The following MAX variants were observed in gnomAD, a reference collection of about 807,000 sequenced individuals.
The protein encoded by MAX is MYC associated transcriptional regulator X.
Under a neutral mutation model 22.3 loss-of-function variants are expected in MAX, and 3 were observed. The observed-to-expected ratio is 0.13, with a 90% confidence interval of 0.06 to 0.35. MAX has a LOEUF of 0.35. MAX is among the 10% of genes least tolerant of loss of function. MAX has a pLI of 1.00. For missense variants in MAX, 119 were observed against 209.4 expected (o/e 0.57, Z 2.66); for synonymous variants, 72 against 77.7 (o/e 0.93, Z 0.39).
chr14:65,090,799 A>T (rs1207586378), intron 3 of MAX, among the ~76,000 whole-genome samples: 2 of 152,228 alleles, frequency 1.3e-5, no homozygotes, highest in Non-Finnish European at 2.9e-5. Context: ...CACCATGCCC[A>T]GCCAACCATT....
intron 3 of MAX, among the ~76,000 whole-genome samples, chr14:65,019,913 G>T (rs2061854227): frequency 6.6e-6 from 1 of 152,062 alleles, no homozygotes; most frequent in Non-Finnish European, 1.5e-5. Flanking sequence ...ATAGAATATT[G>T]CCTTTTTATT....
At chr14:65,095,085 C>T (rs1025829670) in intron 2 of MAX, among the ~76,000 whole-genome samples, 4 of 152,162 alleles carry the variant, frequency 2.6e-5, no homozygotes, top group African/African-American at 9.7e-5. Context: ...GTTGTGAAAA[C>T]GAAAGGACTT....
Position 65,082,778 on chromosome 14 carries a change from A to G in MAX, c.172-4742T>C, listed in dbSNP as rs941215185. Among the ~76,000 whole-genome samples the G allele has an allele frequency of 1.3e-5, 2 of 152,154 alleles. No homozygotes were observed. The highest frequency in any genetic ancestry group is 4.8e-5 in the African/African-American group (2 of 41,438). On this transcript the variant is annotated intron_variant, in intron 3 of 4. Transcript: ENST00000358664. The surrounding 1 kb of genome is among the most constrained non-coding windows in gnomAD (Gnocchi z 4.8). ...GTGAGACCCTGTATAAAAAAAAAAA[A>G]GTGAAAAATGGTAGTTTGTAATAGC...
intron 3 of MAX, chr14:65,089,903 T>C (rs2063453578): frequency 6.7e-6 from 1 of 149,278 alleles, no homozygotes; most frequent in East Asian, 2.0e-4. Context: ...GGAACAACAG[T>C]GGAACTCCAC....
At position 65,057,809 on chromosome 14, in the gene MAX, A is replaced by G. The variant is rs9806006; in HGVS notation, c.171+35899T>C. On this transcript the variant is annotated intron_variant, in intron 3 of 3. Coordinates refer to the MAX transcript ENST00000341653. Reference sequence around the variant, plus strand: ...TGACCAGCACCATTTACTGAAGTCTACAACCTTTCCTGCTGATGTGTATCT... The same window carrying G: ...TGACCAGCACCATTTACTGAAGTCTGCAACCTTTCCTGCTGATGTGTATCT... Among the ~76,000 whole-genome samples the G allele has an allele frequency of 9.8e-3, 1,493 of 152,332 alleles. 27 individuals carry two copies. Among genetic ancestry groups the G allele is most frequent in the African/African-American group, 0.034 (1,424 of 41,560 alleles).
chr14:65,046,515 C>T (rs181730779), intron 3 of MAX, among the ~76,000 whole-genome samples: 22 of 152,238 alleles, frequency 1.4e-4, no homozygotes, highest in Admixed American at 1.4e-3. Flanking sequence ...TTCTAGGGGG[C>T]TTAGTGGCAT....
rs2139500713 is a variant in MAX at position 65,009,341 on chromosome 14, A to G, written c.172-3057T>C. Among the ~76,000 whole-genome samples the G allele has an allele frequency of 6.6e-6, 1 of 152,088 alleles. No homozygotes were observed. The highest frequency in any genetic ancestry group is 1.5e-5 in the Non-Finnish European group (1 of 67,980). On this transcript the variant is annotated intron_variant, in intron 3 of 3. Coordinates refer to the MAX transcript ENST00000341653. This position sits in a 1 kb window ranked among gnomAD's most constrained non-coding sequence, Gnocchi z 4.2. The stretch of plus-strand genomic sequence containing the variant: ...CCAACATGTTATATTTCTTAATTTC[A>G]CTGGCGCTTCACTAACTGCCTTATA...
rs1439447607 is a variant in MAX, at chr14:65,032,479, C to T, written c.172-26195G>A. ...CAGTTGGAGACCCAGGAGGACTGAC[C>T]GTGTGCCAAGAGTGAGGACAGGAGG... On this transcript the variant is annotated intron_variant, in intron 3 of 3. Coordinates refer to the MAX transcript ENST00000341653. The surrounding 1 kb of genome is among the most constrained non-coding windows in gnomAD (Gnocchi z 5.0). 7 of 866,910 alleles carry T rather than the reference C, an allele frequency of 8.1e-6. No homozygotes were observed. Among genetic ancestry groups the T allele is most frequent in the East Asian group, 2.9e-5 (1 of 33,984 alleles). 53.7% of individuals were successfully genotyped at this position (866,910 alleles called of 1,614,324 possible).
At chr14:65,065,923 C>G (rs1036057192) in intron 3 of MAX, among the ~76,000 whole-genome samples, 1 of 152,172 alleles carries the variant, frequency 6.6e-6, no homozygotes, top group Non-Finnish European at 1.5e-5. Context: ...GGAGAGCTTA[C>G]GTAAATCACC....
rs564077572 is a variant in MAX, at chr14:65,028,442, T to C, written c.172-22158A>G. 8.5e-5 allele frequency among the ~76,000 whole-genome samples: 13 copies of C among 152,370 alleles called. No homozygotes were observed. Among genetic ancestry groups the C allele is most frequent in the African/African-American group, 3.1e-4 (13 of 41,596 alleles). ...AAGACAGTGGCTTATTGAGATTTTA[T>C]GCCATTTTCTTATTATTTAGTTGAG... On this transcript the variant is annotated intron_variant, in intron 3 of 3. Coordinates refer to the MAX transcript ENST00000341653. This position sits in a 1 kb window ranked among gnomAD's most constrained non-coding sequence, Gnocchi z 4.4.
chr14:65,025,935 C>T (rs891700357), intron 3 of MAX, among the ~76,000 whole-genome samples: 6 of 152,198 alleles, frequency 3.9e-5, no homozygotes, highest in African/African-American at 1.2e-4. Flanking sequence ...TAACCTGTGA[C>T]GTTTCAGAAC....
At position 65,079,685 on chromosome 14, in the gene MAX, G is replaced by A. The variant is rs914715583; in HGVS notation, c.172-1649C>T. On this transcript the variant is annotated intron_variant, in intron 3 of 4. Coordinates refer to ENST00000358664, the MANE Select transcript of MAX (RefSeq NM_002382.5). This position sits in a 1 kb window ranked among gnomAD's most constrained non-coding sequence, Gnocchi z 4.5. ...TCCTAAACAACCAGAACACAACAGCGGGAGAAAGACAAAGAAAACATGTAC... is the reference window on the plus strand; with the variant it reads ...TCCTAAACAACCAGAACACAACAGCAGGAGAAAGACAAAGAAAACATGTAC... 2.6e-5 allele frequency among the ~76,000 whole-genome samples: 4 copies of A among 152,128 alleles called. No homozygotes were observed. The highest frequency in any genetic ancestry group is 4.4e-5 in the Non-Finnish European group (3 of 68,022).
At chr14:65,096,750 ACT>A (rs1239189343) in intron 2 of MAX, among the ~76,000 whole-genome samples, 1 of 152,066 alleles carries the variant, frequency 6.6e-6, no homozygotes, top group East Asian at 1.9e-4. Flanking sequence ...AACAAATAAA[ACT>A]CTACTCAGAT....
intron 3 of MAX, among the ~76,000 whole-genome samples, chr14:65,064,890 C>G (rs1419993642): frequency 6.6e-6 from 1 of 152,402 alleles, no homozygotes; most frequent in South Asian, 2.1e-4. Flanking sequence ...CCATGCCACT[C>G]CTCCCCACCT....
intron 3 of MAX, chr14:65,061,391 T>A: frequency 6.3e-7 from 1 of 1,587,784 alleles, no homozygotes; most frequent in Non-Finnish European, 8.6e-7. Flanking sequence ...ACATACTGCA[T>A]TCTGTGCTAC....
At chr14:65,019,220 C>T (rs1465561017) in intron 3 of MAX, among the ~76,000 whole-genome samples, 1 of 151,932 alleles carries the variant, frequency 6.6e-6, no homozygotes, top group Non-Finnish European at 1.5e-5. Context: ...GATGTAGTGG[C>T]TCATGGCTGT....
rs768909472 is a variant in MAX, at chr14:65,054,648, A to T, written c.171+39060T>A. 9.9e-6 allele frequency: 16 copies of T among 1,613,442 alleles called. No individual in the cohort carries two copies. Among genetic ancestry groups the T allele is most frequent in the Non-Finnish European group, 1.4e-5 (16 of 1,179,714 alleles). On this transcript the variant is annotated intron_variant, in intron 3 of 3. Transcript: ENST00000341653. This position sits in a 1 kb window ranked among gnomAD's most constrained non-coding sequence, Gnocchi z 4.4. The stretch of plus-strand genomic sequence containing the variant: ...AGCCCAGCACTTCGGCAGCGGAGCC[A>T]TGTTGCATGATGTGGTCCTGGGTGT...
chr14:65,013,499 G>A (rs1203091980), intron 3 of MAX, among the ~76,000 whole-genome samples: 1 of 152,128 alleles, frequency 6.6e-6, no homozygotes, highest in African/African-American at 2.4e-5. Context: ...GTTACAGTTG[G>A]TACCATATCA....
rs1224063841 is a variant in MAX at position 65,044,584 on chromosome 14, A to G, written c.172-38300T>C. The G allele has an allele frequency of 8.7e-6, 11 of 1,259,036 alleles. No individual in the cohort carries two copies. In the African/African-American group the frequency reaches 1.4e-4, roughly 16 times the overall value. 78.0% of individuals were successfully genotyped at this position (1,259,036 alleles called of 1,614,324 possible). A position where few individuals can be genotyped will look rare whatever the true frequency, so the allele number is the denominator to read the frequency against. ...TTTTGAGTGCCCAGTGTGGAACCTC[A>G]TGCCGTGGGGCATGCGAATGCAGAG... On this transcript the variant is annotated intron_variant, in intron 3 of 3. Transcript: ENST00000341653. The surrounding 1 kb of genome is among the most constrained non-coding windows in gnomAD (Gnocchi z 5.5).
Sources: gnomAD v4.1 joint callset for allele counts (sites outside exome capture counted in the v4.1 genomes callset) on GRCh38, gnomAD v4.1.1 for gene constraint, Gnocchi (gnomAD v3.1) non-coding constraint, MANE v1.5 for transcripts, NCBI Gene and HGNC (gene_info 2026-07-23, HGNC 2026-07-21) for gene names.